The following KMT2C variants were observed in gnomAD, a reference collection of about 807,000 sequenced individuals.
KMT2C encodes histone-lysine N-methyltransferase 2C.
Under a neutral mutation model 507.9 loss-of-function variants are expected in KMT2C, and 88 were observed. That is an observed-to-expected ratio of 0.17 (90% CI 0.15 to 0.21). The LOEUF is 0.21. KMT2C is among the 10% of genes least tolerant of loss of function. KMT2C has a pLI of 1.00. For synonymous variants in KMT2C, 2,049 were observed against 2,080.8 expected (o/e 0.98, Z 0.42); for missense variants, 4,954 against 5,957.8 (o/e 0.83, Z 5.55).
chr7:152,263,712 T>A (rs2095817766), intron 8 of KMT2C, among the ~76,000 whole-genome samples: 2 of 152,236 alleles, frequency 1.3e-5, no homozygotes, highest in African/African-American at 2.4e-5. Context: ...AAATGCTGAA[T>A]AATTATTTCA....
intron 6 of KMT2C, among the ~76,000 whole-genome samples, chr7:152,307,497 A>G (rs73730039): frequency 0.063 from 9,620 of 152,072 alleles, 1,074 homozygotes; most frequent in African/African-American, 0.22. Flanking sequence ...AGAGGTAAAG[A>G]TTTGACAGAG....
At chr7:152,260,201 C>T (rs2095745461) in intron 9 of KMT2C, among the ~76,000 whole-genome samples, 1 of 152,178 alleles carries the variant, frequency 6.6e-6, no homozygotes, top group Non-Finnish European at 1.5e-5. Context: ...ACTATAGTCC[C>T]TTCATAGAAC....
intron 1 of KMT2C, among the ~76,000 whole-genome samples, chr7:152,408,718 C>T (rs1339959234): frequency 1.3e-5 from 2 of 151,930 alleles, no homozygotes; most frequent in Non-Finnish European, 2.9e-5. Flanking sequence ...CCACTCCGTG[C>T]TCCCCCTGGG....
intron 2 of KMT2C, among the ~76,000 whole-genome samples, chr7:152,357,208 G>C (rs2097159512): frequency 6.6e-6 from 1 of 150,976 alleles, no homozygotes; most frequent in African/African-American, 2.4e-5. Flanking sequence ...GCCTGGGAGA[G>C]AGAGCAAGAC....
intron 55 of KMT2C, among the ~76,000 whole-genome samples, chr7:152,141,611 G>A (rs887684906): frequency 6.6e-6 from 1 of 150,764 alleles, no homozygotes; most frequent in Non-Finnish European, 1.5e-5. Context: ...TACTTGGGAG[G>A]CTGAGGCAGA....
At chr7:152,234,241 G>A (rs1455315502) in intron 16 of KMT2C, among the ~76,000 whole-genome samples, 1 of 152,114 alleles carries the variant, frequency 6.6e-6, no homozygotes, top group Non-Finnish European at 1.5e-5. Flanking sequence ...AATTAGCCAG[G>A]CGTGGTGGCA....
chr7:152,295,515 T>C (rs2096483215), intron 6 of KMT2C, among the ~76,000 whole-genome samples: 1 of 152,244 alleles, frequency 6.6e-6, no homozygotes, highest in Admixed American at 6.5e-5. Context: ...TTACCCATCC[T>C]CCAAGCACCA....
At chr7:152,140,538 T>A (rs980616552) in intron 55 of KMT2C, among the ~76,000 whole-genome samples, 18 of 152,196 alleles carry the variant, frequency 1.2e-4, no homozygotes, top group Non-Finnish European at 2.5e-4. Flanking sequence ...ATAGTTGTAT[T>A]TTCTTGTCCC....
In KMT2C at chr7:152,263,022, T is replaced by C. The variant is rs370574460; in HGVS notation, c.1293A>G (p.Lys431=). The C allele has an allele frequency of 1.4e-5, 23 of 1,601,628 alleles. No individual in the cohort carries two copies. In the African/African-American group the frequency reaches 2.3e-4, roughly 16 times the overall value. The change falls in exon 9 of 59, where the codon AAA becomes AAG. Residue 431 remains lysine (K), a synonymous_variant. Coordinates refer to ENST00000262189, the MANE Select transcript of KMT2C (RefSeq NM_170606.3). ...VMKSVPTNGW[K]CKNCRICIEC... is the part of the protein sequence containing the mutation. ...AAATAAATAAACAACTTACTTTGCA[T>C]TTCCAGCCATTGGTTGGTACTGATT...
At chr7:152,269,816 A>C (rs2095927670) in intron 7 of KMT2C, among the ~76,000 whole-genome samples, 2 of 152,232 alleles carry the variant, frequency 1.3e-5, no homozygotes, top group South Asian at 4.1e-4. Flanking sequence ...TGGCAGGAGA[A>C]AAGTGAGAGG....
chr7:152,297,056 AGAGAGAGAGAGAGAG>A lies in KMT2C; in HGVS notation c.849+12895_849+12909del, dbSNP rs2096517768. On this transcript the variant is annotated intron_variant, in intron 6 of 58. Transcript: ENST00000262189. ...AAGAAAGAAAGAAAGAAAGAAAGAC[AGAGAGAGAGAGAGAG>A]AGAGAGAGAGAGAGAGAGAGAGAAA... Among the ~76,000 whole-genome samples, 224 of 42,054 alleles carry A rather than the reference AGAGAGAGAGAGAGAG, an allele frequency of 5.3e-3. 12 individuals carry two copies. The highest frequency in any genetic ancestry group is 0.016 in the African/African-American group (200 of 12,314). 27.6% of individuals were successfully genotyped at this position (42,054 alleles called of 152,430 possible). A position where few individuals can be genotyped will look rare whatever the true frequency, so the allele number is the denominator to read the frequency against.
chr7:152,160,911 T>C (rs937153266), intron 43 of KMT2C, among the ~76,000 whole-genome samples: 7 of 151,904 alleles, frequency 4.6e-5, no homozygotes, highest in African/African-American at 1.5e-4. Flanking sequence ...ATATTTGAGA[T>C]TGGGAGAGGT....
At chr7:152,245,487 GTTTTT>G (rs2095457432) in intron 14 of KMT2C, among the ~76,000 whole-genome samples, 1 of 151,890 alleles carries the variant, frequency 6.6e-6, no homozygotes, top group East Asian at 1.9e-4. Context: ...TATTTCACCT[GTTTTT>G]GTTTTTTTAA....
chr7:152,408,745 C>A (rs79508242), intron 1 of KMT2C, among the ~76,000 whole-genome samples: 26 of 147,308 alleles, frequency 1.8e-4, no homozygotes, highest in Admixed American at 2.0e-4. Context: ...GGAAAAAACT[C>A]TCTTCCACAA....
At chr7:152,346,484 C>A (rs1457208462) in intron 2 of KMT2C, among the ~76,000 whole-genome samples, 1 of 152,074 alleles carries the variant, frequency 6.6e-6, no homozygotes, top group East Asian at 1.9e-4. Context: ...CTAAATAACA[C>A]ATAGGTCAAA....
At chr7:152,359,776 T>A (rs1027359648) in intron 1 of KMT2C, among the ~76,000 whole-genome samples, 1 of 151,036 alleles carries the variant, frequency 6.6e-6, no homozygotes, top group African/African-American at 2.4e-5. Flanking sequence ...CAGCTGGCTG[T>A]GGTGGCTCAC....
intron 1 of KMT2C, among the ~76,000 whole-genome samples, chr7:152,435,082 G>A (rs1465478902): frequency 6.6e-6 from 1 of 152,222 alleles, no homozygotes; most frequent in East Asian, 1.9e-4. Context: ...ACACAGGTTT[G>A]GGACCAGGAA....
intron 3 of KMT2C, among the ~76,000 whole-genome samples, chr7:152,320,270 A>C (rs2096761300): frequency 6.6e-6 from 1 of 152,046 alleles, no homozygotes; most frequent in Non-Finnish European, 1.5e-5. Context: ...TTTTTTTGAG[A>C]TGGAGTCTCA....
At chr7:152,233,940 G>T (rs907820640) in intron 16 of KMT2C, among the ~76,000 whole-genome samples, 1 of 152,176 alleles carries the variant, frequency 6.6e-6, no homozygotes, top group Non-Finnish European at 1.5e-5. Context: ...TTCGAGACCA[G>T]CCTGGCCAAC....
Sources: gnomAD v4.1 joint callset for allele counts (sites outside exome capture counted in the v4.1 genomes callset) on GRCh38, gnomAD v4.1.1 for gene constraint, MANE v1.5 for transcripts, NCBI Gene and HGNC (gene_info 2026-07-23, HGNC 2026-07-21) for gene names.